Variants in YOD1 observed in about 807,000 individuals in gnomAD.
YOD1 encodes ubiquitin thioesterase OTU1.
Under a neutral mutation model 23.7 loss-of-function variants are expected in YOD1, and 17 were observed. That is an observed-to-expected ratio of 0.72 (90% CI 0.49 to 1.07). YOD1 has a LOEUF of 1.07. YOD1 is among the 50% of genes least tolerant of loss of function. The pLI, the probability that YOD1 is intolerant of heterozygous loss-of-function variation, is 0.00. For synonymous variants in YOD1, 191 were observed against 169.6 expected (o/e 1.13, Z -0.98); for missense variants, 413 against 447.2 (o/e 0.92, Z 0.69).
In YOD1 at chr1:207,048,876, A is replaced by C; in HGVS notation, c.*144T>G. ...ACACTAATTTTAATCTTAACAAGGA[A>C]TTTCAGTGTCTTAGTGGTTTTAAGT... On this transcript the variant is annotated 3_prime_UTR_variant, in exon 2 of 2. Transcript: ENST00000315927. The C allele has an allele frequency of 1.3e-6, 1 of 747,378 alleles. No homozygotes were observed. Among genetic ancestry groups the C allele is most frequent in the Non-Finnish European group, 2.2e-6 (1 of 458,952 alleles). The allele number at this position is 747,378 out of a possible 1,614,324, so 46.3% of individuals were successfully genotyped here.
rs1682541774 is a variant in YOD1 at position 207,044,293 on chromosome 1, CA to C, written c.*4726del. 6.6e-6 allele frequency: 1 copy of C among 152,520 alleles called. No individual in the cohort carries two copies. Among genetic ancestry groups the C allele is most frequent in the Non-Finnish European group, 1.5e-5 (1 of 67,956 alleles). 9.4% of individuals were successfully genotyped at this position (152,520 alleles called of 1,614,324 possible). ...ATTCATTCTGTATTTAGGCTGAATT[CA>C]AATTTTTTTCAAGGAAAAATACTAT... On this transcript the variant is annotated 3_prime_UTR_variant, in exon 2 of 2. Coordinates refer to ENST00000315927, the MANE Select transcript of YOD1 (RefSeq NM_018566.4).
chr1:207,052,073 T>C, upstream of YOD1: 5 of 853,562 alleles, frequency 5.9e-6, no homozygotes, highest in South Asian at 1.5e-5. Flanking sequence ...TTGTTCTTTA[T>C]CCAGCCGGGA....
chr1:207,045,767 A>G lies in YOD1; in HGVS notation c.*3253T>C, dbSNP rs139005215. On this transcript the variant is annotated 3_prime_UTR_variant, in exon 2 of 2. Transcript: ENST00000315927. ...AGAAGCAAGTTAGGCATGGGCATTT[A>G]GGGACACAGACAAATTAGATAGATA... is the stretch of plus-strand genomic sequence containing the variant. 590 of 152,224 alleles carry G rather than the reference A, an allele frequency of 3.9e-3. 5 individuals are homozygous for G. The highest frequency in any genetic ancestry group is 0.014 in the African/African-American group (570 of 41,568). The allele number at this position is 152,224 out of a possible 1,614,324, so 9.4% of individuals were successfully genotyped here.
At position 207,044,158 on chromosome 1, in the gene YOD1, G is replaced by T. The variant is rs1269237519; in HGVS notation, c.*4862C>A. The T allele has an allele frequency of 6.6e-6, 1 of 152,248 alleles. No homozygotes were observed. Among genetic ancestry groups the T allele is most frequent in the African/African-American group, 2.4e-5 (1 of 41,374 alleles). The allele number at this position is 152,248 out of a possible 1,614,324, so 9.4% of individuals were successfully genotyped here. A position where few individuals can be genotyped will look rare whatever the true frequency, so the allele number is the denominator to read the frequency against. ...TCATATTCTAAAGCTCTAATTTGAC[G>T]GTCTTTACTTGTGGTTTTCTTTTTG... On this transcript the variant is annotated 3_prime_UTR_variant, in exon 2 of 2. Coordinates refer to ENST00000315927, the MANE Select transcript of YOD1 (RefSeq NM_018566.4).
intron 1 of YOD1, among the ~76,000 whole-genome samples, chr1:207,050,280 G>A (rs1236705703): frequency 1.3e-5 from 2 of 151,986 alleles, no homozygotes; most frequent in African/African-American, 2.4e-5. Flanking sequence ...ATCTACGAAG[G>A]GGACTGCAAA....
chr1:207,052,834 T>G (rs986091759), upstream of YOD1: 3 of 152,350 alleles, frequency 2.0e-5, no homozygotes, highest in Non-Finnish European at 4.4e-5. Context: ...TGTGGTAGTT[T>G]ATTCTAGCAA....
Position 207,048,860 on chromosome 1 carries a change from T to C in YOD1, c.*160A>G. On this transcript the variant is annotated 3_prime_UTR_variant, in exon 2 of 2. Transcript: ENST00000315927. ...ACATCTGTAAACTTGCACACTAATTTTAATCTTAACAAGGAATTTCAGTGT... is the reference window on the plus strand; with the variant it reads ...ACATCTGTAAACTTGCACACTAATTCTAATCTTAACAAGGAATTTCAGTGT... 2 of 683,402 alleles carry C rather than the reference T, an allele frequency of 2.9e-6. No individual in the cohort carries two copies. Among genetic ancestry groups the C allele is most frequent in the South Asian group, 3.8e-5 (2 of 52,426 alleles). The allele number at this position is 683,402 out of a possible 1,614,324, so 42.3% of individuals were successfully genotyped here. A position where few individuals can be genotyped will look rare whatever the true frequency, so the allele number is the denominator to read the frequency against.
At position 207,044,716 on chromosome 1, in the gene YOD1, G is replaced by A. The variant is rs1242881491; in HGVS notation, c.*4304C>T. The A allele has an allele frequency of 2.0e-5, 3 of 152,396 alleles. No homozygotes were observed. Among genetic ancestry groups the A allele is most frequent in the Non-Finnish European group, 2.9e-5 (2 of 67,952 alleles). 9.4% of individuals were successfully genotyped at this position (152,396 alleles called of 1,614,324 possible). A position where few individuals can be genotyped will look rare whatever the true frequency, so the allele number is the denominator to read the frequency against. ...GAAGAAGGGTTGAGTTGACACAAAG[G>A]CATTGCTTTAAAAATGTTTGGAAAA... On this transcript the variant is annotated 3_prime_UTR_variant, in exon 2 of 2. Transcript: ENST00000315927.
At position 207,044,214 on chromosome 1, in the gene YOD1, T is replaced by C. The variant is rs1419111070; in HGVS notation, c.*4806A>G. The C allele has an allele frequency of 2.0e-5, 3 of 152,572 alleles. No homozygotes were observed. Among genetic ancestry groups the C allele is most frequent in the Non-Finnish European group, 4.4e-5 (3 of 67,984 alleles). The allele number at this position is 152,572 out of a possible 1,614,324, so 9.5% of individuals were successfully genotyped here. A position where few individuals can be genotyped will look rare whatever the true frequency, so the allele number is the denominator to read the frequency against. ...GGAACCTCTGTCTCTACTGCATTAATACAGAAACTATAGGAATATTGTTGT... is the reference window on the plus strand; with the variant it reads ...GGAACCTCTGTCTCTACTGCATTAACACAGAAACTATAGGAATATTGTTGT... On this transcript the variant is annotated 3_prime_UTR_variant, in exon 2 of 2. Coordinates refer to ENST00000315927, the MANE Select transcript of YOD1 (RefSeq NM_018566.4).
Position 207,046,069 on chromosome 1 carries a change from G to A in YOD1, c.*2951C>T, listed in dbSNP as rs1367582524. The stretch of plus-strand genomic sequence containing the variant: ...GCTTCTGAAATCACTTTATTCAGGA[G>A]TGAATCTTCATAGTACTACACCTGA... On this transcript the variant is annotated 3_prime_UTR_variant, in exon 2 of 2. Transcript: ENST00000315927. 1 of 152,064 alleles carries A rather than the reference G, an allele frequency of 6.6e-6. No homozygotes were observed. Among genetic ancestry groups the A allele is most frequent in the Non-Finnish European group, 1.5e-5 (1 of 67,926 alleles). The allele number at this position is 152,064 out of a possible 1,614,324, so 9.4% of individuals were successfully genotyped here.
upstream of YOD1, chr1:207,052,236 C>T (rs755065438): frequency 6.2e-7 from 1 of 1,611,746 alleles, no homozygotes; most frequent in Non-Finnish European, 8.5e-7. Flanking sequence ...ATGTTTCCAT[C>T]TTTTCACATC....
chr1:207,049,738 A>G lies in YOD1; in HGVS notation c.344-15T>C. 2 of 1,594,604 alleles carry G rather than the reference A, an allele frequency of 1.3e-6. No individual in the cohort carries two copies. The highest frequency in any genetic ancestry group is 1.7e-6 in the Non-Finnish European group (2 of 1,170,978). The stretch of plus-strand genomic sequence containing the variant: ...CAGCATGTCACCTGTTAAAAATAAA[A>G]CAAATCCCGATCTGCAAAGAAATTA... On this transcript the variant is annotated splice_polypyrimidine_tract_variant and intron_variant, in intron 1 of 1. Transcript: ENST00000315927.
In YOD1 at chr1:207,050,865, C is replaced by G. The variant is rs778687294; in HGVS notation, c.166G>C (p.Gly56Arg). ...MWRLRCKAKD[G>R]THVLQGLSSR... ...GACAGCCCCTGCAAAACATGGGTGC[C>G]GTCCTTGGCCTTGCAGCGGAGCCGC... The change falls in exon 1 of 2, where the codon GGC becomes CGC. Residue 56 changes from glycine (G) to arginine (R), a missense_variant. Coordinates refer to ENST00000315927, the MANE Select transcript of YOD1 (RefSeq NM_018566.4). The G allele has an allele frequency of 6.2e-7, 1 of 1,611,426 alleles. No individual in the cohort carries two copies. Among genetic ancestry groups the G allele is most frequent in the Non-Finnish European group, 8.5e-7 (1 of 1,179,142 alleles).
At chr1:207,051,537 T>C (rs1208025250), upstream of YOD1, among the ~76,000 whole-genome samples, 1 of 152,214 alleles carries the variant, frequency 6.6e-6, no homozygotes, top group Admixed American at 6.5e-5. Context: ...GGGACTGTGC[T>C]TGAAAACGTC....
Position 207,051,051 on chromosome 1 carries a change from T to A in YOD1, c.-21A>T. 1 of 1,484,310 alleles carries A rather than the reference T, an allele frequency of 6.7e-7. No homozygotes were observed. The allele number at this position is 1,484,310 out of a possible 1,614,324, so 91.9% of individuals were successfully genotyped here. A position where few individuals can be genotyped will look rare whatever the true frequency, so the allele number is the denominator to read the frequency against. ...AACATCGCGAGAAGTTGCGGGTGGT[T>A]GCAGTTATCGCGACGCTTCGGTGCG... On this transcript the variant is annotated 5_prime_UTR_variant, in exon 1 of 2. Transcript: ENST00000315927.
rs1352415046 is a variant in YOD1, at chr1:207,045,267, A to C, written c.*3753T>G. The C allele has an allele frequency of 6.6e-6, 1 of 152,476 alleles. No individual in the cohort carries two copies. Among genetic ancestry groups the C allele is most frequent in the Non-Finnish European group, 1.5e-5 (1 of 67,928 alleles). The allele number at this position is 152,476 out of a possible 1,614,324, so 9.4% of individuals were successfully genotyped here. On this transcript the variant is annotated 3_prime_UTR_variant, in exon 2 of 2. Coordinates refer to ENST00000315927, the MANE Select transcript of YOD1 (RefSeq NM_018566.4). ...AATTTGAATACTGCATTGTATAATA[A>C]TACAAGATATTCACATAATAATAAG... is the stretch of plus-strand genomic sequence containing the variant.
chr1:207,045,558 C>A lies in YOD1; in HGVS notation c.*3462G>T, dbSNP rs981646617. 5 of 149,704 alleles carry A rather than the reference C, an allele frequency of 3.3e-5. No individual in the cohort carries two copies. Among genetic ancestry groups the A allele is most frequent in the Admixed American group, 3.3e-4 (5 of 15,028 alleles). The allele number at this position is 149,704 out of a possible 1,614,324, so 9.3% of individuals were successfully genotyped here. A position where few individuals can be genotyped will look rare whatever the true frequency, so the allele number is the denominator to read the frequency against. On this transcript the variant is annotated 3_prime_UTR_variant, in exon 2 of 2. Coordinates refer to ENST00000315927, the MANE Select transcript of YOD1 (RefSeq NM_018566.4). The stretch of plus-strand genomic sequence containing the variant: ...AAATGTGTCTCCACACATGAAAGAA[C>A]ATAATTCTTAGTATGTTTAGGAAGG...
chr1:207,050,357 A>G (rs1476277406), intron 1 of YOD1, among the ~76,000 whole-genome samples: 1 of 152,222 alleles, frequency 6.6e-6, no homozygotes, highest in Non-Finnish European at 1.5e-5. Flanking sequence ...AAAAAGAGAC[A>G]TAAGGACAGA....
chr1:207,044,103 T>C lies in YOD1; in HGVS notation c.*4917A>G, dbSNP rs1558052090. On this transcript the variant is annotated 3_prime_UTR_variant, in exon 2 of 2. Transcript: ENST00000315927. ...TGCATTAAGAAAAAATATTTTCTTA[T>C]GCTGTTTTGCCCATCCCTACTTTTT... The C allele has an allele frequency of 6.6e-6, 1 of 152,468 alleles. No homozygotes were observed. The highest frequency in any genetic ancestry group is 1.5e-5 in the Non-Finnish European group (1 of 67,984). The allele number at this position is 152,468 out of a possible 1,614,324, so 9.4% of individuals were successfully genotyped here. A position where few individuals can be genotyped will look rare whatever the true frequency, so the allele number is the denominator to read the frequency against.
Sources: gnomAD v4.1 joint callset for allele counts (sites outside exome capture counted in the v4.1 genomes callset) on GRCh38, gnomAD v4.1.1 for gene constraint, MANE v1.5 for transcripts, NCBI Gene and HGNC (gene_info 2026-07-23, HGNC 2026-07-21) for gene names.